DGKI: variants seen among roughly 807,000 people sequenced by gnomAD.
DGKI encodes diacylglycerol kinase iota, also known as DAG kinase iota.
DGKI carries 55 observed loss-of-function variants against 147.5 expected under a neutral mutation model. The ratio of observed to expected loss-of-function variants is 0.37; its 90% confidence interval spans 0.30 to 0.47. DGKI has a LOEUF of 0.47. DGKI is among the 20% of genes least tolerant of loss of function. DGKI has a pLI of 1.00. For synonymous variants in DGKI, 469 were observed against 477.1 expected, an observed-to-expected ratio of 0.98 and a Z score of 0.22; for missense variants, 1,007 against 1,323.8, an observed-to-expected ratio of 0.76 and a Z score of 3.71.
chr7:137,618,930 A>G lies in DGKI; in HGVS notation c.993+894T>C, dbSNP rs537096053. Among the ~76,000 whole-genome samples the G allele has an allele frequency of 2.6e-5, 4 of 152,322 alleles. No homozygotes were observed. In the East Asian group the frequency reaches 5.8e-4, roughly 22 times the overall value. On this transcript the variant is annotated intron_variant, in intron 8 of 32. Coordinates refer to ENST00000614521, the MANE Select transcript of DGKI (RefSeq NM_001321708.2). ...GTCTAAACTTTATATAAAACACAGA[A>G]AGCAAAACAGTATCCCTGATCCACC...
chr7:137,846,680 C>A lies in DGKI; in HGVS notation c.183G>T (p.Glu61Asp). 9.3e-7 allele frequency: 1 copy of A among 1,071,286 alleles called. No individual in the cohort carries two copies. The highest frequency in any genetic ancestry group is 9.1e-5 in the East Asian group (1 of 10,950). The allele number at this position is 1,071,286 out of a possible 1,614,324, so 66.4% of individuals were successfully genotyped here. The change falls in exon 1 of 33, where the codon GAG (glutamate) becomes GAT (aspartate). Residue 61 changes from glutamate to aspartate, a missense_variant. Transcript: ENST00000614521. The surrounding 1 kb of genome is among the most constrained non-coding windows in gnomAD (Gnocchi z 4.0). ...GAMNPSSSAG[E>D]EKGATGGSSS... Reference sequence around the variant, plus strand: ...TGCTGCCGCCCGTCGCCCCTTTCTCCTCTCCCGCCGAGGAGCTGGGGTTCA... The same window carrying A: ...TGCTGCCGCCCGTCGCCCCTTTCTCATCTCCCGCCGAGGAGCTGGGGTTCA...
intron 3 of DGKI, among the ~76,000 whole-genome samples, chr7:137,663,693 C>T (rs544339936): frequency 6.6e-6 from 1 of 152,214 alleles, no homozygotes; most frequent in East Asian, 1.9e-4. Context: ...GCCAGAGGAG[C>T]TGTCTATGAG....
intron 30 of DGKI, 152 bp downstream of exon 30, chr7:137,407,723 T>C (rs2128898852): frequency 2.1e-6 from 2 of 951,260 alleles, no homozygotes; most frequent in East Asian, 5.0e-5. Flanking sequence ...CAACCACGAC[T>C]GCCTCAAATA....
intron 27 of DGKI, among the ~76,000 whole-genome samples, chr7:137,457,949 T>A (rs1814271458): frequency 6.6e-6 from 1 of 152,148 alleles, no homozygotes; most frequent in Non-Finnish European, 1.5e-5. Flanking sequence ...CAAATTATAT[T>A]TCCTCTTGTT....
intron 3 of DGKI, among the ~76,000 whole-genome samples, chr7:137,667,116 C>T (rs532158046): frequency 3.9e-5 from 6 of 152,174 alleles, no homozygotes; most frequent in East Asian, 1.9e-4. Flanking sequence ...TATTTTTACA[C>T]GCTCTTCAAG....
At chr7:137,648,226 CT>C (rs1341980536) in intron 5 of DGKI, among the ~76,000 whole-genome samples, 1 of 152,152 alleles carries the variant, frequency 6.6e-6, no homozygotes, top group Non-Finnish European at 1.5e-5. Context: ...AGAAAAAAAT[CT>C]GTAATTATTG....
intron 7 of DGKI, among the ~76,000 whole-genome samples, chr7:137,622,474 G>A (rs1820785270): frequency 6.6e-6 from 1 of 152,092 alleles, no homozygotes; most frequent in South Asian, 2.1e-4. Context: ...AATTACAGCA[G>A]GCATCAGCAA....
chr7:137,561,294 G>C (rs1723099), intron 19 of DGKI, among the ~76,000 whole-genome samples: 7,801 of 152,184 alleles, frequency 0.051, 504 homozygotes, highest in African/African-American at 0.13. Flanking sequence ...AGAACATTAT[G>C]CTAAATAAAA....
chr7:137,831,420 A>C (rs1048976498), intron 1 of DGKI, among the ~76,000 whole-genome samples: 2 of 152,236 alleles, frequency 1.3e-5, no homozygotes, highest in Non-Finnish European at 2.9e-5. Flanking sequence ...ATCGTGGCAG[A>C]CGGCAAGGAG....
rs199934522 is a variant in DGKI, at chr7:137,426,885, C to G, written c.2762-14678G>C. Among the ~76,000 whole-genome samples, 720 of 152,110 alleles carry G rather than the reference C, an allele frequency of 4.7e-3. 15 individuals are homozygous for G. The highest frequency in any genetic ancestry group is 0.029 in the Admixed American group (442 of 15,274). On this transcript the variant is annotated intron_variant, in intron 28 of 32. Coordinates refer to ENST00000614521, the MANE Select transcript of DGKI (RefSeq NM_001321708.2). ...TATGCATGCACCCAATACAGGAGCA[C>G]CCAGATTCATAAAGCAAGTCCTGAG... is the stretch of plus-strand genomic sequence containing the variant.
At chr7:137,789,757 T>C (rs992541402) in intron 1 of DGKI, among the ~76,000 whole-genome samples, 2 of 152,302 alleles carry the variant, frequency 1.3e-5, no homozygotes, top group Admixed American at 6.5e-5. Context: ...ACAAGCAACA[T>C]TCCTATCAGA....
chr7:137,563,184 A>C (rs976143320), intron 19 of DGKI, among the ~76,000 whole-genome samples: 35 of 151,960 alleles, frequency 2.3e-4, no homozygotes, highest in African/African-American at 8.5e-4. Context: ...AGATACAAAA[A>C]ACCTTTGATA....
intron 3 of DGKI, among the ~76,000 whole-genome samples, chr7:137,671,423 T>G (rs1026689891): frequency 6.6e-6 from 1 of 152,224 alleles, no homozygotes; most frequent in Non-Finnish European, 1.5e-5. Context: ...ATAAGAGTCT[T>G]AGTGTTGGAA....
intron 20 of DGKI, among the ~76,000 whole-genome samples, chr7:137,523,816 A>G (rs555466338): frequency 6.6e-6 from 1 of 152,282 alleles, no homozygotes; most frequent in East Asian, 1.9e-4. Context: ...GACCTTGAAT[A>G]TACTGAAAAC....
At chr7:137,835,293 C>T (rs955201946) in intron 1 of DGKI, among the ~76,000 whole-genome samples, 2 of 152,060 alleles carry the variant, frequency 1.3e-5, no homozygotes, top group Non-Finnish European at 2.9e-5. Flanking sequence ...AACCTGCTGC[C>T]CCTGTGAACC....
chr7:137,410,065 A>G (rs549293710), intron 29 of DGKI, among the ~76,000 whole-genome samples: 30 of 152,318 alleles, frequency 2.0e-4, no homozygotes, highest in Admixed American at 9.2e-4. Context: ...GTAAGAGAGA[A>G]AAAGTAAAAC....
intron 23 of DGKI, among the ~76,000 whole-genome samples, chr7:137,479,846 AT>A (rs918483584): frequency 3.9e-5 from 6 of 152,156 alleles, no homozygotes; most frequent in South Asian, 2.1e-4. Context: ...CCATCTATCC[AT>A]TTTTTTAACA....
chr7:137,758,646 A>T (rs565857044), intron 1 of DGKI, among the ~76,000 whole-genome samples: 2 of 152,128 alleles, frequency 1.3e-5, no homozygotes, highest in Non-Finnish European at 2.9e-5. Flanking sequence ...AGGTTGCACC[A>T]CTGCACTCAA....
intron 1 of DGKI, among the ~76,000 whole-genome samples, chr7:137,788,925 C>CT (rs1796761921): frequency 1.3e-5 from 2 of 152,220 alleles, no homozygotes; most frequent in Non-Finnish European, 2.9e-5. Context: ...TCCCTTTTTT[C>CT]TTTTTTGTCT....
Sources: gnomAD v4.1 joint callset for allele counts (sites outside exome capture counted in the v4.1 genomes callset) on GRCh38, gnomAD v4.1.1 for gene constraint, Gnocchi (gnomAD v3.1) non-coding constraint, MANE v1.5 for transcripts, NCBI Gene and HGNC (gene_info 2026-07-23, HGNC 2026-07-21) for gene names.